NT5M: variants seen among roughly 807,000 people sequenced by gnomAD.
The protein encoded by NT5M is 5',3'-nucleotidase, mitochondrial, also known as 5'(3')-deoxyribonucleotidase, mitochondrial.
NT5M carries 22 observed loss-of-function variants against 22.2 expected under a neutral mutation model. The ratio of observed to expected loss-of-function variants is 0.99; its 90% CI spans 0.71 to 1.41. The LOEUF is 1.41. Ranked by LOEUF, NT5M falls within the 40% of genes most tolerant of loss-of-function variation. NT5M has a pLI of 0.00. For synonymous variants in NT5M, 167 were observed against 133.0 expected, an observed-to-expected ratio of 1.26 and a Z score of -1.76; for missense variants, 322 against 314.8, an observed-to-expected ratio of 1.02 and a Z score of -0.17.
chr17:17,315,744 GTT>G (rs1173004367), intron 2 of NT5M, among the ~76,000 whole-genome samples: 2 of 67,714 alleles, frequency 3.0e-5, no homozygotes, highest in African/African-American at 1.3e-4. Context: ...CTAACTTAGG[GTT>G]TTTTTGTTTT....
At chr17:17,343,026 C>A (rs1477466156) in intron 3 of NT5M, among the ~76,000 whole-genome samples, 3 of 152,206 alleles carry the variant, frequency 2.0e-5, no homozygotes, top group Non-Finnish European at 4.4e-5. Context: ...AGTGGGTCTG[C>A]TGAAAACATT....
intron 2 of NT5M, among the ~76,000 whole-genome samples, chr17:17,309,370 G>A (rs955535012): frequency 3.3e-5 from 5 of 151,970 alleles, no homozygotes; most frequent in South Asian, 4.1e-4. Context: ...AGCAGTTCTC[G>A]TGCCTCAGCC....
chr17:17,305,404 C>G (rs866598792), intron 1 of NT5M, among the ~76,000 whole-genome samples: 39 of 130,474 alleles, frequency 3.0e-4, no homozygotes, highest in East Asian at 2.4e-3. Context: ...GCCCCCCCCC[C>G]CCCGCCCCCA....
chr17:17,334,775 C>T (rs528263847), intron 3 of NT5M, among the ~76,000 whole-genome samples: 1 of 152,114 alleles, frequency 6.6e-6, no homozygotes, highest in Non-Finnish European at 1.5e-5. Context: ...TGCCTGGCCA[C>T]TGTAGTTTTA....
chr17:17,339,284 C>T (rs1013888028), intron 3 of NT5M, among the ~76,000 whole-genome samples: 3 of 149,570 alleles, frequency 2.0e-5, no homozygotes, highest in South Asian at 2.1e-4. Flanking sequence ...TCAGATTGTT[C>T]CTGTTTTTTT....
chr17:17,319,778 C>T (rs1488470163), intron 2 of NT5M, among the ~76,000 whole-genome samples: 4 of 152,194 alleles, frequency 2.6e-5, no homozygotes, highest in Non-Finnish European at 4.4e-5. Flanking sequence ...GGGTGGCAGG[C>T]GTGTTTATTT....
intron 2 of NT5M, among the ~76,000 whole-genome samples, chr17:17,315,522 C>T (rs1043772310): frequency 6.6e-6 from 1 of 152,162 alleles, no homozygotes; most frequent in Admixed American, 6.6e-5. Context: ...GAATTGACAT[C>T]AGACCTGAAG....
chr17:17,307,869 A>G (rs1481184182), intron 2 of NT5M, among the ~76,000 whole-genome samples: 2 of 151,826 alleles, frequency 1.3e-5, no homozygotes, highest in Non-Finnish European at 2.9e-5. Flanking sequence ...AAAAAAAAAA[A>G]GAAACCCTGT....
chr17:17,332,751 A>T (rs888334096), intron 3 of NT5M, among the ~76,000 whole-genome samples: 1 of 152,164 alleles, frequency 6.6e-6, no homozygotes, highest in African/African-American at 2.4e-5. Context: ...ACCAGTGTGC[A>T]CATTATTATA....
At chr17:17,342,828 G>C (rs1353402590) in intron 3 of NT5M, among the ~76,000 whole-genome samples, 2 of 152,204 alleles carry the variant, frequency 1.3e-5, no homozygotes, top group Non-Finnish European at 2.9e-5. Context: ...GGCTATCGTT[G>C]TCTGTGGCCT....
chr17:17,328,751 C>T (rs2049313777), intron 3 of NT5M, among the ~76,000 whole-genome samples: 2 of 152,174 alleles, frequency 1.3e-5, no homozygotes, highest in Non-Finnish European at 2.9e-5. Flanking sequence ...GGGAACCTGA[C>T]TGCTGTGAGG....
intron 3 of NT5M, among the ~76,000 whole-genome samples, chr17:17,338,243 A>G (rs1597797069): frequency 2.1e-5 from 3 of 144,392 alleles, no homozygotes; most frequent in East Asian, 2.0e-4. Context: ...CCCAGGCGGG[A>G]GTACAATGGC....
At chr17:17,331,409 C>T (rs7223473) in intron 3 of NT5M, among the ~76,000 whole-genome samples, 3,257 of 151,634 alleles carry the variant, frequency 0.021, 226 homozygotes, top group African/African-American at 0.074. Context: ...CACTAAAGAC[C>T]ATTGAATTGT....
At chr17:17,307,269 A>G (rs560742283) in intron 2 of NT5M, among the ~76,000 whole-genome samples, 21 of 152,342 alleles carry the variant, frequency 1.4e-4, no homozygotes, top group African/African-American at 3.1e-4. Flanking sequence ...TGTTTCAGCA[A>G]TGAGCAAAGT....
intron 2 of NT5M, among the ~76,000 whole-genome samples, chr17:17,313,439 C>G (rs1173867459): frequency 6.6e-6 from 1 of 152,144 alleles, no homozygotes; most frequent in Admixed American, 6.6e-5. Flanking sequence ...GTAGAAGATT[C>G]CTATGGTCAG....
At chr17:17,305,413 C>CCCCCCCCCCCT (rs1567877233) in intron 1 of NT5M, among the ~76,000 whole-genome samples, 8 of 124,976 alleles carry the variant, frequency 6.4e-5, no homozygotes, top group Non-Finnish European at 1.2e-4. Context: ...CCCCCGCCCC[C>CCCCCCCCCCCT]ACACACGTGG....
intron 2 of NT5M, among the ~76,000 whole-genome samples, chr17:17,308,092 A>G (rs1251180282): frequency 1.3e-5 from 2 of 152,172 alleles, no homozygotes; most frequent in East Asian, 1.9e-4. Context: ...AGATTGTCCA[A>G]AGAGCTGAAG....
intron 3 of NT5M, among the ~76,000 whole-genome samples, chr17:17,330,297 CA>C (rs549526002): frequency 0.014 from 939 of 68,870 alleles, 7 homozygotes; most frequent in Middle Eastern, 0.044. Flanking sequence ...GACTCCGTCT[CA>C]AAAAAAAAAA....
intron 2 of NT5M, among the ~76,000 whole-genome samples, chr17:17,315,271 C>A (rs2048999601): frequency 6.6e-6 from 1 of 152,142 alleles, no homozygotes; most frequent in Non-Finnish European, 1.5e-5. Flanking sequence ...TAAACAGATA[C>A]ATTTTACGAC....
Sources: gnomAD v4.1 joint callset for allele counts (sites outside exome capture counted in the v4.1 genomes callset) on GRCh38, gnomAD v4.1.1 for gene constraint, MANE v1.5 for transcripts, NCBI Gene and HGNC (gene_info 2026-07-23, HGNC 2026-07-21) for gene names.